HECW1: variants seen among roughly 807,000 people sequenced by gnomAD.
The protein encoded by HECW1 is E3 ubiquitin-protein ligase HECW1.
HECW1 carries 61 observed loss-of-function variants against 182.3 expected under a neutral mutation model. The observed-to-expected ratio is 0.33, with a 90% CI of 0.27 to 0.41. The LOEUF (loss-of-function observed/expected upper bound fraction) is 0.41, where lower values mean the gene tolerates loss of function less well. Among genes scored for constraint, HECW1 ranks in the 10% least tolerant of loss-of-function variants. HECW1 has a pLI of 1.00. For missense variants in HECW1, 1,739 were observed against 2,108.9 expected, an observed-to-expected ratio of 0.82 and a Z score of 3.44; for synonymous variants, 859 against 832.6, an observed-to-expected ratio of 1.03 and a Z score of -0.55.
intron 3 of HECW1, among the ~76,000 whole-genome samples, chr7:43,251,158 G>A (rs1221596973): frequency 2.0e-5 from 3 of 152,184 alleles, no homozygotes; most frequent in Non-Finnish European, 4.4e-5. Flanking sequence ...GCAAGGGGTG[G>A]TGAAGGTGCC....
At chr7:43,520,028 A>G (rs971576196) in intron 24 of HECW1, among the ~76,000 whole-genome samples, 6 of 152,228 alleles carry the variant, frequency 3.9e-5, no homozygotes, top group African/African-American at 1.2e-4. Flanking sequence ...TGGGTAAAAA[A>G]TAAATAAATC....
intron 2 of HECW1, among the ~76,000 whole-genome samples, chr7:43,127,209 A>G (rs1299111396): frequency 3.3e-5 from 5 of 152,164 alleles, no homozygotes; most frequent in African/African-American, 9.7e-5. Context: ...TGCTACTCCA[A>G]TGAACTCCTG....
chr7:43,482,746 A>G (rs1398044240), intron 17 of HECW1, among the ~76,000 whole-genome samples: 1 of 151,956 alleles, frequency 6.6e-6, no homozygotes, highest in Non-Finnish European at 1.5e-5. Context: ...TCTCTACAAA[A>G]ATTTAAAAAT....
chr7:43,271,833 G>C (rs1802440791), intron 3 of HECW1, among the ~76,000 whole-genome samples: 1 of 151,932 alleles, frequency 6.6e-6, no homozygotes, highest in Non-Finnish European at 1.5e-5. Context: ...ATTTTTTACA[G>C]AATTGGAAAA....
chr7:43,294,541 G>T (rs1805801413), intron 3 of HECW1, among the ~76,000 whole-genome samples: 1 of 152,200 alleles, frequency 6.6e-6, no homozygotes. Flanking sequence ...TCAGAAAAAA[G>T]CAGATTATTC....
At chr7:43,165,150 G>C (rs1475148234) in intron 2 of HECW1, among the ~76,000 whole-genome samples, 1 of 152,078 alleles carries the variant, frequency 6.6e-6, no homozygotes, top group Non-Finnish European at 1.5e-5. Context: ...GAAATAAAAG[G>C]GATTTTAATT....
intron 13 of HECW1, among the ~76,000 whole-genome samples, chr7:43,457,315 C>T (rs1240113741): frequency 6.6e-6 from 1 of 152,126 alleles, no homozygotes; most frequent in Non-Finnish European, 1.5e-5. Context: ...TGCTGTCTTG[C>T]TTTCATGTCA....
chr7:43,159,357 C>A, intron 2 of HECW1, among the ~76,000 whole-genome samples: 1 of 150,940 alleles, frequency 6.6e-6, no homozygotes, highest in Admixed American at 6.6e-5. Flanking sequence ...CGACAGGCCC[C>A]TGTGTGTGAT....
intron 3 of HECW1, among the ~76,000 whole-genome samples, chr7:43,292,622 G>C (rs1805530605): frequency 6.6e-6 from 1 of 152,244 alleles, no homozygotes; most frequent in Admixed American, 6.5e-5. Context: ...AAGTGGCAAG[G>C]TGTGAGGAGA....
intron 2 of HECW1, among the ~76,000 whole-genome samples, chr7:43,189,367 T>C (rs1466944579): frequency 6.8e-6 from 1 of 147,298 alleles, no homozygotes; most frequent in Non-Finnish European, 1.5e-5. Flanking sequence ...TCTCAGGCGA[T>C]AGGGACATTG....
chr7:43,210,816 G>A (rs1795943028), intron 2 of HECW1, among the ~76,000 whole-genome samples: 1 of 152,216 alleles, frequency 6.6e-6, no homozygotes, highest in Admixed American at 6.5e-5. Flanking sequence ...ATCCAGAGGG[G>A]TGGAAGTCAG....
intron 2 of HECW1, among the ~76,000 whole-genome samples, chr7:43,173,600 C>G (rs981699651): frequency 1.3e-5 from 2 of 152,190 alleles, no homozygotes; most frequent in African/African-American, 4.8e-5. Context: ...CTAGATCCCT[C>G]TCATGCGCAG....
Position 43,312,206 on chromosome 7 carries a change from A to AAC in HECW1, c.352+124_352+125dup, listed in dbSNP as rs564382334. Reference sequence around the variant, plus strand: ...GCAACTGTGTTATATGCCAGATTCTAACACACTGAAGACCACTGTTGCATG... The same window carrying AAC: ...GCAACTGTGTTATATGCCAGATTCTAACACACACTGAAGACCACTGTTGCATG... On this transcript the variant is annotated intron_variant, in intron 4 of 29. Transcript: ENST00000395891. The AAC allele has an allele frequency of 2.7e-4, 249 of 939,366 alleles. 5 individuals carry two copies. The South Asian group carries it at 3.6e-3, about 14-fold the overall frequency. The allele number at this position is 939,366 out of a possible 1,614,324, so 58.2% of individuals were successfully genotyped here.
rs771852403 is a variant in HECW1, at chr7:43,445,499, C to A, written c.2327C>A (p.Pro776His). The stretch of plus-strand genomic sequence containing the variant: ...CCGTGGCAAGACGAGCTGGCCGCCC[C>A]TAGCGGGCACGTGGAAAGAAGCCCG... ...AGPWQDELAA[P>H]SGHVERSPEG... Residue 776 changes from proline to histidine, a missense_variant, in exon 11 of 30, where the codon CCT (proline) becomes CAT (histidine). Pro to His is a moderately conservative substitution (Grantham distance 77). Coordinates refer to ENST00000395891, the MANE Select transcript of HECW1 (RefSeq NM_015052.5). 1.2e-5 allele frequency: 20 copies of A among 1,611,438 alleles called. No individual in the cohort carries two copies. The East Asian group carries it at 4.2e-4, about 34-fold the overall frequency.
At position 43,199,481 on chromosome 7, in the gene HECW1, C is replaced by T. The variant is rs192023322; in HGVS notation, c.-31-44394C>T. ...ATTATTCTTTTCCCCCTGGAACTTACATTTCTATTTCACCAACCCCGCTGC... is the reference window on the plus strand; with the variant it reads ...ATTATTCTTTTCCCCCTGGAACTTATATTTCTATTTCACCAACCCCGCTGC... On this transcript the variant is annotated intron_variant, in intron 2 of 29. Transcript: ENST00000395891. 3.9e-4 allele frequency among the ~76,000 whole-genome samples: 59 copies of T among 152,298 alleles called. 1 individual carries two copies. In the East Asian group the frequency reaches 7.9e-3, roughly 20 times the overall value.
intron 6 of HECW1, among the ~76,000 whole-genome samples, chr7:43,363,754 C>A (rs1040972635): frequency 1.3e-5 from 2 of 152,218 alleles, no homozygotes; most frequent in Non-Finnish European, 2.9e-5. Context: ...GCACACTTTT[C>A]AAAGCTGTTT....
At chr7:43,312,196 G>T in intron 4 of HECW1, 109 bp downstream of exon 4, 2 of 1,029,130 alleles carry the variant, frequency 1.9e-6, no homozygotes, top group Middle Eastern at 3.1e-4. Flanking sequence ...TGTGTTATAT[G>T]CCAGATTCTA....
intron 3 of HECW1, among the ~76,000 whole-genome samples, chr7:43,256,566 G>T (rs113316074): frequency 4.8e-5 from 7 of 145,824 alleles, no homozygotes; most frequent in African/African-American, 1.8e-4. Flanking sequence ...CCAAGATTGC[G>T]CCACTGCACT....
chr7:43,396,901 T>C lies in HECW1; in HGVS notation c.631+12T>C. On this transcript the variant is annotated intron_variant, in intron 7 of 29. Transcript: ENST00000395891. The stretch of plus-strand genomic sequence containing the variant: ...CTTCTCTCTCTCAGGTATGTTTTGC[T>C]CACCTGAGACTTTGTGGAGAGACTA... 1.3e-6 allele frequency: 2 copies of C among 1,597,376 alleles called. No homozygotes were observed. Among genetic ancestry groups the C allele is most frequent in the Non-Finnish European group, 1.7e-6 (2 of 1,165,770 alleles).
Sources: gnomAD v4.1 joint callset for allele counts (sites outside exome capture counted in the v4.1 genomes callset) on GRCh38, gnomAD v4.1.1 for gene constraint, MANE v1.5 for transcripts, NCBI Gene and HGNC (gene_info 2026-07-23, HGNC 2026-07-21) for gene names.